The following CPVL variants were observed in gnomAD, a reference collection of about 807,000 sequenced individuals.
The protein encoded by CPVL is carboxypeptidase vitellogenic like, also known as probable serine carboxypeptidase CPVL.
In CPVL, 51 loss-of-function variants were observed where a neutral mutation model predicts 63.7. The ratio of observed to expected loss-of-function variants is 0.80; its 90% CI spans 0.64 to 1.01. The LOEUF is 1.01. Among genes scored for constraint, CPVL ranks in the 50% least tolerant of loss-of-function variants. CPVL has a pLI of 0.00. For synonymous variants in CPVL, 195 were observed against 206.0 expected, an observed-to-expected ratio of 0.95 and a Z score of 0.46; for missense variants, 530 against 573.1, an observed-to-expected ratio of 0.92 and a Z score of 0.77.
chr7:29,112,997 C>A (rs1365725055), intron 2 of CPVL, 175 bp from the exon 3 acceptor site: 2 of 517,506 alleles, frequency 3.9e-6, no homozygotes, highest in Non-Finnish European at 7.0e-6. Flanking sequence ...CCCACATAGT[C>A]CACGTTCACA....
At chr7:29,069,811 T>C (rs561522172) in intron 9 of CPVL, among the ~76,000 whole-genome samples, 1,898 of 129,266 alleles carry the variant, frequency 0.015, 21 homozygotes, top group Admixed American at 0.026. Context: ...TGTGTGTGTG[T>C]GTGTGTGTGT....
intron 6 of CPVL, among the ~76,000 whole-genome samples, chr7:29,087,266 A>G (rs781712523): frequency 1.1e-4 from 16 of 152,026 alleles, no homozygotes; most frequent in Non-Finnish European, 2.4e-4. Context: ...TCTACTAAAA[A>G]TACAAAAATT....
At position 29,000,694 on chromosome 7, in the gene CPVL, ACTG is replaced by A. The variant is rs895215247; in HGVS notation, c.1321-4815_1321-4813del. Among the ~76,000 whole-genome samples, 824 of 152,318 alleles carry A rather than the reference ACTG, an allele frequency of 5.4e-3. 6 individuals carry two copies. Among genetic ancestry groups the A allele is most frequent in the African/African-American group, 0.019 (779 of 41,574 alleles). On this transcript the variant is annotated intron_variant, in intron 12 of 12. Transcript: ENST00000265394. Reference sequence around the variant, plus strand: ...CTTATCCTATCGGGCTTTAAAAGCAACTGTGGTAAAATACACTTAACATAAAAT... The same window carrying A: ...CTTATCCTATCGGGCTTTAAAAGCAATGGTAAAATACACTTAACATAAAAT...
intron 11 of CPVL, among the ~76,000 whole-genome samples, chr7:29,058,753 C>T (rs1790994360): frequency 6.6e-6 from 1 of 152,058 alleles, no homozygotes; most frequent in African/African-American, 2.4e-5. Context: ...TGAGGAGAAC[C>T]TAGATGTAAT....
intron 12 of CPVL, among the ~76,000 whole-genome samples, chr7:29,029,498 G>A (rs1787810444): frequency 6.6e-6 from 1 of 152,190 alleles, no homozygotes; most frequent in African/African-American, 2.4e-5. Context: ...CCTATCACTT[G>A]CAGTGACATG....
chr7:29,115,712 G>C (rs913741817), intron 2 of CPVL, among the ~76,000 whole-genome samples: 5 of 151,572 alleles, frequency 3.3e-5, no homozygotes, highest in Non-Finnish European at 5.9e-5. Flanking sequence ...CCACAGAGAG[G>C]TAAATGGGAA....
At chr7:29,163,043 A>G (rs1179787544) in intron 5 of CPVL, among the ~76,000 whole-genome samples, 1 of 152,256 alleles carries the variant, frequency 6.6e-6, no homozygotes, top group Non-Finnish European at 1.5e-5. Context: ...ATAATGAACT[A>G]TAGTTATGTA....
intron 5 of CPVL, among the ~76,000 whole-genome samples, chr7:29,167,937 C>T (rs988523152): frequency 6.6e-6 from 1 of 152,178 alleles, no homozygotes; most frequent in Non-Finnish European, 1.5e-5. Flanking sequence ...AGGCCTACAA[C>T]ATCGGAGGTA....
chr7:29,043,378 A>AT (rs1347236222), intron 11 of CPVL, among the ~76,000 whole-genome samples: 1 of 152,034 alleles, frequency 6.6e-6, no homozygotes, highest in Admixed American at 6.5e-5. Context: ...TTACCTTGCA[A>AT]TTAGGTTTTT....
upstream of CPVL, chr7:29,147,153 C>T (rs1792846876): frequency 1.4e-6 from 1 of 738,960 alleles, no homozygotes; most frequent in Non-Finnish European, 2.1e-6. Flanking sequence ...TATTAGCCAC[C>T]ACCAGGTGCT....
chr7:29,136,010 C>A (rs1305805554), intron 1 of CPVL, among the ~76,000 whole-genome samples: 1 of 152,006 alleles, frequency 6.6e-6, no homozygotes, highest in East Asian at 1.9e-4. Context: ...GGATGTAAAC[C>A]AAGAAAGAGG....
chr7:29,176,954 A>T (rs1479916443), intron 5 of CPVL, among the ~76,000 whole-genome samples: 2 of 152,192 alleles, frequency 1.3e-5, no homozygotes, highest in African/African-American at 4.8e-5. Flanking sequence ...AACAGTGTTT[A>T]TAACTTCCAA....
intron 12 of CPVL, among the ~76,000 whole-genome samples, chr7:29,028,141 C>T (rs1463735121): frequency 6.6e-6 from 1 of 152,120 alleles, no homozygotes; most frequent in Non-Finnish European, 1.5e-5. Flanking sequence ...AATAAATCCA[C>T]ATATTTATAG....
chr7:29,183,575 C>T (rs1046903301), intron 4 of CPVL, among the ~76,000 whole-genome samples: 1 of 151,838 alleles, frequency 6.6e-6, no homozygotes, highest in Non-Finnish European at 1.5e-5. Context: ...CAGGGTTTCA[C>T]CATGTTGGCC....
intron 12 of CPVL, chr7:29,001,409 G>A (rs918153499): frequency 2.0e-5 from 3 of 152,158 alleles, no homozygotes; most frequent in Non-Finnish European, 2.9e-5. Context: ...CTACTTTTAT[G>A]CCATTCCACA....
At position 29,043,957 on chromosome 7, in the gene CPVL, G is replaced by A. The variant is rs576226773; in HGVS notation, c.1138-13198C>T. On this transcript the variant is annotated intron_variant, in intron 11 of 12. Coordinates refer to ENST00000265394, the MANE Select transcript of CPVL (RefSeq NM_031311.5). ...GGAAACTGGAGTGGAAAGAGCATGG[G>A]GCCTGGAGTCAGACTGTATGGCAAA... Among the ~76,000 whole-genome samples, 4 of 152,166 alleles carry A rather than the reference G, an allele frequency of 2.6e-5. No individual in the cohort carries two copies. In the South Asian group the frequency reaches 8.3e-4, roughly 32 times the overall value.
intron 7 of CPVL, among the ~76,000 whole-genome samples, chr7:29,084,814 A>G (rs752152326): frequency 6.6e-6 from 1 of 152,234 alleles, no homozygotes; most frequent in African/African-American, 2.4e-5. Context: ...ATACAATTTA[A>G]GGATAAAAAT....
chr7:29,171,483 C>T (rs1050680460), intron 5 of CPVL, among the ~76,000 whole-genome samples: 8 of 152,164 alleles, frequency 5.3e-5, no homozygotes, highest in Admixed American at 3.9e-4. Context: ...GGATCCCAGA[C>T]GGAGAGGATT....
chr7:29,089,173 A>G (rs1785517729), intron 6 of CPVL, among the ~76,000 whole-genome samples: 2 of 152,174 alleles, frequency 1.3e-5, no homozygotes, highest in Admixed American at 1.3e-4. Context: ...AGGTACCTTA[A>G]AGGACCAAAA....
Sources: allele counts gnomAD v4.1 joint callset (sites outside exome capture counted in the v4.1 genomes callset), GRCh38; gene constraint gnomAD v4.1.1; transcripts MANE v1.5; gene names NCBI Gene and HGNC (gene_info 2026-07-23, HGNC 2026-07-21).